The following COL16A1 variants were observed in gnomAD, a reference collection of about 807,000 sequenced individuals.
COL16A1 encodes collagen type XVI alpha 1 chain.
A neutral mutation model predicts 266.3 loss-of-function variants in COL16A1; 189 were observed. The observed-to-expected ratio is 0.71, with a 90% CI of 0.63 to 0.80. The LOEUF is 0.80. Ranked by LOEUF, COL16A1 falls within the 30% of genes least tolerant of loss-of-function variation. The pLI is 0.00. For synonymous variants in COL16A1, 740 were observed against 782.3 expected, an observed-to-expected ratio of 0.95 and a Z score of 0.90; for missense variants, 1,928 against 2,122.4, an observed-to-expected ratio of 0.91 and a Z score of 1.80.
rs1219240860 is a variant in COL16A1, at chr1:31,664,210, C to A, written c.3555+962G>T. On this transcript the variant is annotated intron_variant, in intron 56 of 70. Coordinates refer to ENST00000373672, the MANE Select transcript of COL16A1 (RefSeq NM_001856.4). This position sits in a 1 kb window ranked among gnomAD's most constrained non-coding sequence, Gnocchi z 5.5. ...GGGGAAGGGGAAGGGGGCTAGCAAC[C>A]ACCACTGTCCCAAGCATGGCTGATC... is the stretch of plus-strand genomic sequence containing the variant. Among the ~76,000 whole-genome samples, 1 of 151,864 alleles carries A rather than the reference C, an allele frequency of 6.6e-6. No homozygotes were observed. The highest frequency in any genetic ancestry group is 2.1e-4 in the South Asian group (1 of 4,818).
chr1:31,670,689 A>T lies in COL16A1; in HGVS notation c.3151-43T>A, dbSNP rs1570425589. The T allele has an allele frequency of 7.1e-7, 1 of 1,407,770 alleles. No homozygotes were observed. The highest frequency in any genetic ancestry group is 9.3e-7 in the Non-Finnish European group (1 of 1,078,796). 87.2% of individuals were successfully genotyped at this position (1,407,770 alleles called of 1,614,324 possible). A position where few individuals can be genotyped will look rare whatever the true frequency, so the allele number is the denominator to read the frequency against. The stretch of plus-strand genomic sequence containing the variant: ...CAGGTCACATCTCACAGGCACAGTA[A>T]CCCTGGGACAGCCTGGAGGGCACAG... On this transcript the variant is annotated intron_variant, in intron 48 of 70. Transcript: ENST00000373672. The surrounding 1 kb of genome is among the most constrained non-coding windows in gnomAD (Gnocchi z 4.5).
chr1:31,701,409 C>T, intron 2 of COL16A1: 1 of 985,452 alleles, frequency 1.0e-6, no homozygotes, highest in Non-Finnish European at 1.2e-6. Flanking sequence ...ATCCCTTTCA[C>T]CTCAGCTTCT....
chr1:31,674,639 C>T (rs1341077194), intron 44 of COL16A1, among the ~76,000 whole-genome samples: 1 of 152,220 alleles, frequency 6.6e-6, no homozygotes, highest in Non-Finnish European at 1.5e-5. Flanking sequence ...CACAGCCCCC[C>T]ACCACTGCAC....
chr1:31,679,455 C>T (rs1253545686), intron 42 of COL16A1, 177 bp downstream of exon 42: 3 of 1,605,334 alleles, frequency 1.9e-6, no homozygotes, highest in South Asian at 1.1e-5. Flanking sequence ...AGAGCCTGGC[C>T]TAGAGGCTCA....
At chr1:31,692,726 C>A (rs1455729654) in intron 14 of COL16A1, 41 bp downstream of exon 14, 3 of 1,612,818 alleles carry the variant, frequency 1.9e-6, no homozygotes, top group Admixed American at 1.7e-5. Flanking sequence ...AGGGGCTGGC[C>A]CCATATTGGC....
At chr1:31,675,764 G>A (rs1643130937) in intron 42 of COL16A1, among the ~76,000 whole-genome samples, 1 of 151,906 alleles carries the variant, frequency 6.6e-6, no homozygotes, top group South Asian at 2.1e-4. Flanking sequence ...CAGCTCAAGC[G>A]ATTCTCCCAC....
chr1:31,676,462 C>T (rs1054863015), intron 42 of COL16A1, among the ~76,000 whole-genome samples: 26 of 152,158 alleles, frequency 1.7e-4, no homozygotes, highest in Non-Finnish European at 5.9e-5. Flanking sequence ...TAGCATCATT[C>T]CTCAACAGAC....
At position 31,657,052 on chromosome 1, in the gene COL16A1, T is replaced by A; in HGVS notation, c.4037A>T (p.Asp1346Val). 1 of 1,614,062 alleles carries A rather than the reference T, an allele frequency of 6.2e-7. No homozygotes were observed. The highest frequency in any genetic ancestry group is 8.5e-7 in the Non-Finnish European group (1 of 1,179,986). ...CTGTACCTCTTTGCCAGCTGCACCA[T>A]CCGTACCAGGTTCGCCCTGGGGAGT... is the stretch of plus-strand genomic sequence containing the variant. ...HPGPPGEPGT[D>V]GAAGKEGPPG... Residue 1346 changes from aspartate (D) to valine (V), a missense_variant, in exon 65 of 71, where the codon GAT becomes GTT. Physicochemically the swap from Asp to Val is radical, Grantham distance 152. Around this residue, in one of 2 missense-constraint regions of COL16A1, gnomAD observed 376 missense variants for 485.2 expected, o/e 0.77. Transcript: ENST00000373672. This position sits in a 1 kb window ranked among gnomAD's most constrained non-coding sequence, Gnocchi z 6.4.
In COL16A1 at chr1:31,661,071, C is replaced by T. The variant is rs145602591; in HGVS notation, c.3820G>A (p.Ala1274Thr). Residue 1274 changes from alanine (A) to threonine (T), a missense_variant, in exon 61 of 71, where the codon GCA becomes ACA. Ala to Thr is a moderately conservative substitution (Grantham distance 58). This residue lies in a region of COL16A1 where 376 missense variants were observed against 485.2 expected (regional missense o/e 0.77). Coordinates refer to ENST00000373672, the MANE Select transcript of COL16A1 (RefSeq NM_001856.4). ...TGTGGATCCCTGGCCCTCACCTCTG[C>T]GCCAGGCCGGCCAGTGCTGCCAGGG... Reference protein sequence around the residue: ...GPPGSTGRPGAEGEPGAMGPQ... With the variant: ...GPPGSTGRPGTEGEPGAMGPQ... 5,175 of 1,564,596 alleles carry T rather than the reference C, an allele frequency of 3.3e-3. 225 individuals are homozygous for T. The Admixed American group carries it at 0.075, about 23-fold the overall frequency.
chr1:31,669,536 A>G (rs2148701140), intron 49 of COL16A1, among the ~76,000 whole-genome samples: 1 of 151,982 alleles, frequency 6.6e-6, no homozygotes, highest in African/African-American at 2.4e-5. Context: ...CCCTCAAGAG[A>G]TGACGCCCAA....
rs1219392620 is a variant in COL16A1 at position 31,670,644 on chromosome 1, G to A, written c.3153C>T (p.Gly1051=). ...RGSPGPPGPI[G]PPGFPGAVGS... Reference sequence around the variant, plus strand: ...CAACAGCACCAGGAAAACCTGGGGGGCCCTGGTGGGAGAAACAGGCAGGTC... The same window carrying A: ...CAACAGCACCAGGAAAACCTGGGGGACCCTGGTGGGAGAAACAGGCAGGTC... The change falls in exon 49 of 71, where the codon GGC becomes GGT. Residue 1051 remains glycine, a splice_region_variant and synonymous_variant. Transcript: ENST00000373672. The surrounding 1 kb of genome is among the most constrained non-coding windows in gnomAD (Gnocchi z 4.5). 6 of 1,431,988 alleles carry A rather than the reference G, an allele frequency of 4.2e-6. No individual in the cohort carries two copies. In the South Asian group the frequency reaches 4.7e-5, roughly 11 times the overall value. 88.7% of individuals were successfully genotyped at this position (1,431,988 alleles called of 1,614,324 possible). A position where few individuals can be genotyped will look rare whatever the true frequency, so the allele number is the denominator to read the frequency against.
chr1:31,684,260 C>T, intron 31 of COL16A1, 29 bp from the exon 32 acceptor site: 1 of 1,457,686 alleles, frequency 6.9e-7, no homozygotes, highest in South Asian at 1.5e-5. Flanking sequence ...AGCCAGGAGC[C>T]CATGAGCCGG....
chr1:31,700,210 A>G (rs1325007343), intron 2 of COL16A1, 95 bp from the exon 3 acceptor site: 2 of 1,119,614 alleles, frequency 1.8e-6, no homozygotes, highest in Non-Finnish European at 2.7e-6. Flanking sequence ...GCAAGTTTAT[A>G]GTCCTCACTC....
chr1:31,683,061 G>A, intron 36 of COL16A1, 59 bp from the exon 37 acceptor site: 1 of 1,612,346 alleles, frequency 6.2e-7, no homozygotes, highest in South Asian at 1.1e-5. Flanking sequence ...CTACAACCCA[G>A]CAGGTAAGAC....
intron 44 of COL16A1, among the ~76,000 whole-genome samples, chr1:31,674,029 G>A (rs1392110805): frequency 2.0e-5 from 3 of 152,328 alleles, no homozygotes; most frequent in East Asian, 1.9e-4. Context: ...TGGGGGTTTC[G>A]TTGCCACAAC....
intron 12 of COL16A1, 114 bp downstream of exon 12, chr1:31,694,030 A>G: frequency 1.1e-6 from 1 of 926,702 alleles, no homozygotes; most frequent in Non-Finnish European, 1.7e-6. Context: ...CACCCTACAC[A>G]CATACAGGCT....
At chr1:31,694,784 C>T (rs200023689) in intron 11 of COL16A1, among the ~76,000 whole-genome samples, 30 of 152,330 alleles carry the variant, frequency 2.0e-4, no homozygotes, top group Non-Finnish European at 2.6e-4. Flanking sequence ...CCTGAACCAA[C>T]GCTGTGGGAG....
rs1171248504 is a variant in COL16A1, at chr1:31,652,773, G to A, written c.4693C>T (p.Pro1565Ser). The A allele has an allele frequency of 1.9e-6, 3 of 1,599,362 alleles. No individual in the cohort carries two copies. The highest frequency in any genetic ancestry group is 2.3e-5 in the East Asian group (1 of 44,214). ...GQQGIPGIPGPPGPMGQPGKA... is the reference protein window; with the variant it reads ...GQQGIPGIPGSPGPMGQPGKA... ...CCTGGCTGGCCCATGGGACCCGGGG[G>A]CCCAGGGATGCCAGGGATGCCTTGC... The change falls in exon 71 of 71, where the codon CCC becomes TCC. Residue 1565 changes from proline to serine, a missense_variant. This residue lies in a region of COL16A1 where 376 missense variants were observed against 485.2 expected (regional missense o/e 0.77). Transcript: ENST00000373672. The surrounding 1 kb of genome is among the most constrained non-coding windows in gnomAD (Gnocchi z 4.8).
chr1:31,654,894 T>C lies in COL16A1; in HGVS notation c.4291-36A>G, dbSNP rs1414655702. Reference sequence around the variant, plus strand: ...AGAAGAAAACCTGCCTCAATTATACTTCCAAGCCTGGCATTTTCCCCTATG... The same window carrying C: ...AGAAGAAAACCTGCCTCAATTATACCTCCAAGCCTGGCATTTTCCCCTATG... On this transcript the variant is annotated intron_variant, in intron 67 of 70. Transcript: ENST00000373672. 5 of 1,610,390 alleles carry C rather than the reference T, an allele frequency of 3.1e-6. No homozygotes were observed. In the South Asian group the frequency reaches 5.5e-5, roughly 18 times the overall value.
Sources: gnomAD v4.1 joint callset for allele counts (sites outside exome capture counted in the v4.1 genomes callset) on GRCh38, gnomAD v4.1.1 for gene constraint, gnomAD v4.1.1 regional missense constraint, Gnocchi (gnomAD v3.1) non-coding constraint, MANE v1.5 for transcripts, NCBI Gene and HGNC (gene_info 2026-07-23, HGNC 2026-07-21) for gene names.